Variants in PCDHGA1 observed in about 807,000 individuals in gnomAD.
PCDHGA1 encodes the protein protocadherin gamma-A1.
In PCDHGA1, 32 loss-of-function variants were observed where a neutral mutation model predicts 58.0. The observed-to-expected ratio is 0.55, with a 90% confidence interval of 0.42 to 0.74. PCDHGA1 has a LOEUF of 0.74. PCDHGA1 is among the 30% of genes least tolerant of loss of function. The pLI is 0.00. For synonymous variants in PCDHGA1, 498 were observed against 501.1 expected, an observed-to-expected ratio of 0.99 and a Z score of 0.08; for missense variants, 1,205 against 1,182.3, an observed-to-expected ratio of 1.02 and a Z score of -0.28.
At chr5:141,475,715 C>T (rs989484033) in intron 1 of PCDHGA1, among the ~76,000 whole-genome samples, 1 of 152,366 alleles carries the variant, frequency 6.6e-6, no homozygotes, top group African/African-American at 2.4e-5. Context: ...AGCCTCACAG[C>T]CCCAAGGCTG....
At chr5:141,348,286 G>A (rs962086653) in intron 1 of PCDHGA1, among the ~76,000 whole-genome samples, 1 of 152,188 alleles carries the variant, frequency 6.6e-6, no homozygotes, top group African/African-American at 2.4e-5. Context: ...AGAGTAAGGT[G>A]TATTCTCACT....
intron 1 of PCDHGA1, chr5:141,355,721 C>CA: frequency 6.2e-7 from 1 of 1,614,008 alleles, no homozygotes; most frequent in Non-Finnish European, 8.5e-7. Context: ...CAGCTCAACT[C>CA]AAACGGTTAC....
intron 2 of PCDHGA1, among the ~76,000 whole-genome samples, chr5:141,502,200 C>T (rs553356132): frequency 6.6e-6 from 1 of 152,252 alleles, no homozygotes; most frequent in African/African-American, 2.4e-5. Flanking sequence ...AATATAGAAT[C>T]CACCAGCAGA....
At chr5:141,409,830 G>T in intron 1 of PCDHGA1, 1 of 1,611,250 alleles carries the variant, frequency 6.2e-7, no homozygotes, top group South Asian at 1.1e-5. Flanking sequence ...CCCACGCTCA[G>T]CGCCAACGTG....
At chr5:141,421,675 G>A in intron 1 of PCDHGA1, 2 of 1,613,910 alleles carry the variant, frequency 1.2e-6, no homozygotes, top group Non-Finnish European at 1.7e-6. Context: ...CGCAATTCCT[G>A]GGGCGCGATT....
chr5:141,489,951 T>C lies in PCDHGA1; in HGVS notation c.2422-4856T>C. On this transcript the variant is annotated intron_variant, in intron 1 of 3. Coordinates refer to ENST00000517417, the MANE Select transcript of PCDHGA1 (RefSeq NM_018912.3). The surrounding 1 kb of genome is among the most constrained non-coding windows in gnomAD (Gnocchi z 4.5). ...CTGTCATCGTGCTGGACATCAATGATAATGCTCCAACCTTCCAATCCTCAG... is the reference window on the plus strand; with the variant it reads ...CTGTCATCGTGCTGGACATCAATGACAATGCTCCAACCTTCCAATCCTCAG... 6.2e-7 allele frequency: 1 copy of C among 1,614,210 alleles called. No homozygotes were observed. Among genetic ancestry groups the C allele is most frequent in the Non-Finnish European group, 8.5e-7 (1 of 1,180,032 alleles).
intron 1 of PCDHGA1, chr5:141,356,177 G>A: frequency 6.2e-7 from 1 of 1,612,412 alleles, no homozygotes; most frequent in Non-Finnish European, 8.5e-7. Flanking sequence ...GATGGGCCTG[G>A]TCTCCGAGCT....
chr5:141,506,415 C>T lies in PCDHGA1; in HGVS notation c.2569+934C>T, dbSNP rs2099853185. 2.0e-5 allele frequency among the ~76,000 whole-genome samples: 3 copies of T among 148,290 alleles called. No homozygotes were observed. The South Asian group carries it at 6.4e-4, about 32-fold the overall frequency. On this transcript the variant is annotated intron_variant, in intron 3 of 3. Coordinates refer to ENST00000517417, the MANE Select transcript of PCDHGA1 (RefSeq NM_018912.3). ...GAGCAGAAAATCGCACCACTGCACT[C>T]CAGCCTGGGCAACAGTCTCGCTCTG...
chr5:141,487,386 G>C lies in PCDHGA1; in HGVS notation c.2422-7421G>C. On this transcript the variant is annotated intron_variant, in intron 1 of 3. Coordinates refer to ENST00000517417, the MANE Select transcript of PCDHGA1 (RefSeq NM_018912.3). The surrounding 1 kb of genome is among the most constrained non-coding windows in gnomAD (Gnocchi z 5.0). Reference sequence around the variant, plus strand: ...ACCTGTGCCTGTCTCACCAGATCTCGAAGGAGGGAGGGGCTTCCCCCTTCC... The same window carrying C: ...ACCTGTGCCTGTCTCACCAGATCTCCAAGGAGGGAGGGGCTTCCCCCTTCC... The C allele has an allele frequency of 1.2e-6, 2 of 1,614,164 alleles. No homozygotes were observed. Among genetic ancestry groups the C allele is most frequent in the South Asian group, 1.1e-5 (1 of 91,084 alleles).
chr5:141,392,187 AT>A (rs1221931532), intron 1 of PCDHGA1: 1 of 152,234 alleles, frequency 6.6e-6, no homozygotes, highest in Non-Finnish European at 1.5e-5. Context: ...CAGTAGGTCT[AT>A]TTTAGTCTCA....
chr5:141,417,004 AT>A (rs1462550813), intron 1 of PCDHGA1: 1 of 149,888 alleles, frequency 6.7e-6, no homozygotes, highest in African/African-American at 2.5e-5. Context: ...ATCTCAAATA[AT>A]TCTATTATTT....
chr5:141,339,001 C>A (rs1488637412), intron 1 of PCDHGA1: 3 of 1,558,506 alleles, frequency 1.9e-6, no homozygotes, highest in Admixed American at 2.0e-5. Flanking sequence ...TGCCACACTG[C>A]AGAAAGCTGG....
At chr5:141,430,379 T>C (rs1174248880) in intron 1 of PCDHGA1, among the ~76,000 whole-genome samples, 1 of 149,570 alleles carries the variant, frequency 6.7e-6, no homozygotes, top group Non-Finnish European at 1.5e-5. Flanking sequence ...AAAAAGCTCA[T>C]TGGGAAAAAA....
At chr5:141,402,514 AAT>A (rs1200847622) in intron 1 of PCDHGA1, among the ~76,000 whole-genome samples, 1 of 152,218 alleles carries the variant, frequency 6.6e-6, no homozygotes, top group East Asian at 1.9e-4. Flanking sequence ...AATATTAAGC[AAT>A]GGTTTGTGAT....
intron 1 of PCDHGA1, chr5:141,390,040 C>T (rs2092027580): frequency 6.2e-7 from 1 of 1,614,072 alleles, no homozygotes; most frequent in Non-Finnish European, 8.5e-7. Context: ...TCCTCCAGCC[C>T]CGCCTCCTGG....
intron 1 of PCDHGA1, chr5:141,345,936 A>G: frequency 6.2e-7 from 1 of 1,613,516 alleles, no homozygotes; most frequent in Non-Finnish European, 8.5e-7. Context: ...CCTGCTGGAC[A>G]GAGACGCGCT....
intron 1 of PCDHGA1, chr5:141,441,792 G>T: frequency 2.6e-6 from 1 of 389,292 alleles, no homozygotes; most frequent in Non-Finnish European, 5.1e-6. Context: ...GAATGACAAC[G>T]CACCGCGGGT....
intron 1 of PCDHGA1, chr5:141,399,606 G>A: frequency 1.2e-6 from 2 of 1,613,956 alleles, no homozygotes; most frequent in Non-Finnish European, 1.7e-6. Context: ...GCGACCTAGA[G>A]CCTCTGGCAC....
At chr5:141,389,957 G>C in intron 1 of PCDHGA1, 2 of 1,614,080 alleles carry the variant, frequency 1.2e-6, no homozygotes, top group Non-Finnish European at 1.7e-6. Flanking sequence ...TTTACCTAGT[G>C]GTGGCCTTGG....
Sources: gnomAD v4.1 joint callset for allele counts (sites outside exome capture counted in the v4.1 genomes callset) on GRCh38, gnomAD v4.1.1 for gene constraint, Gnocchi (gnomAD v3.1) non-coding constraint, MANE v1.5 for transcripts, NCBI Gene and HGNC (gene_info 2026-07-23, HGNC 2026-07-21) for gene names.